Variants in BRMS1 observed in about 807,000 individuals in gnomAD.
The protein encoded by BRMS1 is breast cancer metastasis-suppressor 1.
BRMS1 carries 26 observed loss-of-function variants against 40.4 expected under a neutral mutation model. That is an observed-to-expected ratio of 0.64 (90% CI 0.47 to 0.89). The LOEUF (loss-of-function observed/expected upper bound fraction) is 0.89. Ranked by LOEUF, BRMS1 falls within the 40% of genes least tolerant of loss-of-function variation. The pLI, the probability that BRMS1 is intolerant of heterozygous loss-of-function variation, is 0.00. For missense variants in BRMS1, 289 were observed against 309.4 expected (o/e 0.93, Z 0.49); for synonymous variants, 103 against 116.0 (o/e 0.89, Z 0.72).
intron 7 of BRMS1, among the ~76,000 whole-genome samples, chr11:66,339,248 T>A (rs914933987): frequency 2.0e-5 from 3 of 152,170 alleles, no homozygotes; most frequent in Admixed American, 6.5e-5. Context: ...CAGCACCAGG[T>A]TGCCATAATG....
rs753669865 is a variant in BRMS1, at chr11:66,341,594, G to A, written c.169C>T (p.Arg57Cys). The A allele has an allele frequency of 1.9e-6, 3 of 1,613,960 alleles. No individual in the cohort carries two copies. The highest frequency in any genetic ancestry group is 2.2e-5 in the East Asian group (1 of 44,888). ...EMDDEDYERR[R>C]SECVSEMLDL... The stretch of plus-strand genomic sequence containing the variant: ...AGCATCTCACTGACACACTCGCTGC[G>A]GCGTCGCTCATAGTCCTCATCATCC... Residue 57 changes from arginine to cysteine, a missense_variant, in exon 3 of 10, where the codon CGC becomes TGC. By Grantham distance (180) the Arg-to-Cys change is radical. Transcript: ENST00000359957. This position sits in a 1 kb window ranked among gnomAD's most constrained non-coding sequence, Gnocchi z 4.9.
rs541078088 is a variant in BRMS1 at position 66,341,517 on chromosome 11, G to A, written c.230+16C>T. 1.2e-6 allele frequency: 2 copies of A among 1,613,066 alleles called. No homozygotes were observed. The highest frequency in any genetic ancestry group is 2.2e-5 in the East Asian group (1 of 44,876). On this transcript the variant is annotated intron_variant, in intron 3 of 9. Transcript: ENST00000359957. The surrounding 1 kb of genome is among the most constrained non-coding windows in gnomAD (Gnocchi z 4.9). The stretch of plus-strand genomic sequence containing the variant: ...CAGATCCTCGCAGACCCAGCCCAAG[G>A]TGTCCCCACGCTCACTTCTCCTTTA...
At position 66,341,395 on chromosome 11, in the gene BRMS1, T is replaced by C; in HGVS notation, c.231-62A>G. ...CACCCATCGCTCTTGGGCAAACACA[T>C]ACCCAGCACCCATTCCACAGCAAGC... On this transcript the variant is annotated intron_variant, in intron 3 of 9. Transcript: ENST00000359957. The surrounding 1 kb of genome is among the most constrained non-coding windows in gnomAD (Gnocchi z 4.9). 7 of 1,602,940 alleles carry C rather than the reference T, an allele frequency of 4.4e-6. No homozygotes were observed. Among genetic ancestry groups the C allele is most frequent in the South Asian group, 1.1e-5 (1 of 90,578 alleles).
At chr11:66,338,053 T>TC (rs1294630284) in intron 9 of BRMS1, among the ~76,000 whole-genome samples, 164 bp from the exon 10 acceptor site, 1 of 152,090 alleles carries the variant, frequency 6.6e-6, no homozygotes, top group African/African-American at 2.4e-5. Context: ...ACCCAGAGCT[T>TC]CCCCAGCCCC....
intron 8 of BRMS1, 165 bp downstream of exon 8, chr11:66,338,556 C>A (rs1467400193): frequency 3.2e-6 from 5 of 1,542,076 alleles, no homozygotes; most frequent in Non-Finnish European, 4.4e-6. Flanking sequence ...CCCAGGGCCG[C>A]CTTGAGCAAG....
At chr11:66,343,605 G>A (rs1855134858) in intron 1 of BRMS1, among the ~76,000 whole-genome samples, 1 of 152,146 alleles carries the variant, frequency 6.6e-6, no homozygotes, top group Admixed American at 6.6e-5. Flanking sequence ...ACTTATTGAG[G>A]GAACATTCCA....
rs751394775 is a variant in BRMS1, at chr11:66,341,304, C to T, written c.260G>A (p.Arg87Gln). Residue 87 changes from arginine (R) to glutamine (Q), a missense_variant, in exon 4 of 10, where the codon CGG becomes CAG. Arg to Gln is a conservative substitution (Grantham distance 43). Coordinates refer to ENST00000359957, the MANE Select transcript of BRMS1 (RefSeq NM_015399.4). The surrounding 1 kb of genome is among the most constrained non-coding windows in gnomAD (Gnocchi z 4.9). ...KLFRERLSQL[R>Q]LRLEEVGAER... ...AGCCCCCACTTCCTCCAGCCGCAAC[C>T]GCAGCTGACTCAGTCGTTCCCTGAA... 23 of 1,613,442 alleles carry T rather than the reference C, an allele frequency of 1.4e-5. No individual in the cohort carries two copies. Among genetic ancestry groups the T allele is most frequent in the Admixed American group, 3.3e-5 (2 of 59,994 alleles).
At chr11:66,339,874 C>T (rs1855026224) in intron 7 of BRMS1, 1 of 436,120 alleles carries the variant, frequency 2.3e-6, no homozygotes, top group African/African-American at 2.0e-5. Flanking sequence ...AGTGCTGGGA[C>T]TGTAGATGTG....
In BRMS1 at chr11:66,337,669, C is replaced by T. The variant is rs1427572354; in HGVS notation, c.*213G>A. 2 of 1,562,312 alleles carry T rather than the reference C, an allele frequency of 1.3e-6. No homozygotes were observed. Among genetic ancestry groups the T allele is most frequent in the South Asian group, 1.2e-5 (1 of 86,044 alleles). Reference sequence around the variant, plus strand: ...AGACAGCAGCCTTGCCTGGTCAGGTCAGCTCCACGGCCACAGCTGTGCAGG... The same window carrying T: ...AGACAGCAGCCTTGCCTGGTCAGGTTAGCTCCACGGCCACAGCTGTGCAGG... On this transcript the variant is annotated 3_prime_UTR_variant, in exon 10 of 10. Transcript: ENST00000359957.
chr11:66,342,611 A>G (rs1275770018), intron 1 of BRMS1, among the ~76,000 whole-genome samples: 1 of 152,212 alleles, frequency 6.6e-6, no homozygotes, highest in Non-Finnish European at 1.5e-5. Context: ...TCTGTTGACA[A>G]GCTGGAGTGC....
chr11:66,337,617 G>T lies in BRMS1; in HGVS notation c.*265C>A. ...CCCCAAGAGATGGATCTTCAGGAGT[G>T]GGAGGTGGCAGGCGGCTCAGGGATG... On this transcript the variant is annotated 3_prime_UTR_variant, in exon 10 of 10. Coordinates refer to ENST00000359957, the MANE Select transcript of BRMS1 (RefSeq NM_015399.4). The T allele has an allele frequency of 2.2e-6, 3 of 1,381,140 alleles. No individual in the cohort carries two copies. Among genetic ancestry groups the T allele is most frequent in the South Asian group, 1.3e-5 (1 of 76,076 alleles). The allele number at this position is 1,381,140 out of a possible 1,614,324, so 85.6% of individuals were successfully genotyped here. A position where few individuals can be genotyped will look rare whatever the true frequency, so the allele number is the denominator to read the frequency against.
intron 6 of BRMS1, 89 bp from the exon 7 acceptor site, chr11:66,340,302 G>T: frequency 8.5e-7 from 1 of 1,171,646 alleles, no homozygotes; most frequent in Non-Finnish European, 1.2e-6. Flanking sequence ...GGGCCGGCCT[G>T]GCCTCATCTC....
intron 1 of BRMS1, 177 bp downstream of exon 1, chr11:66,344,795 G>T (rs1281930144): frequency 6.6e-6 from 1 of 152,324 alleles, no homozygotes; most frequent in Non-Finnish European, 1.5e-5. Context: ...GCGCCCAGGG[G>T]GCCTCCCGCT....
At chr11:66,344,346 G>A (rs986956802) in intron 1 of BRMS1, among the ~76,000 whole-genome samples, 2 of 152,198 alleles carry the variant, frequency 1.3e-5, no homozygotes, top group African/African-American at 4.8e-5. Flanking sequence ...TGGCCTAGGT[G>A]AGTGTTTAGT....
chr11:66,344,685 CA>C (rs1362410285), intron 1 of BRMS1: 1 of 152,316 alleles, frequency 6.6e-6, no homozygotes, highest in Non-Finnish European at 1.5e-5. Flanking sequence ...GCGCTGTACA[CA>C]GGCAATTTAT....
rs765537089 is a variant in BRMS1, at chr11:66,341,556, C to T, written c.207G>A (p.Lys69=). Residue 69 remains lysine (K), a synonymous_variant, in exon 3 of 10, where the codon AAG becomes AAA. Coordinates refer to ENST00000359957, the MANE Select transcript of BRMS1 (RefSeq NM_015399.4). The surrounding 1 kb of genome is among the most constrained non-coding windows in gnomAD (Gnocchi z 4.9). ...ACTTCTCCTTTAGCTCCGAGAACTG[C>T]TTCTCTAGGTCCAGCATCTCACTGA... ...ECVSEMLDLE[K]QFSELKEKLF... 5 of 1,614,154 alleles carry T rather than the reference C, an allele frequency of 3.1e-6. No individual in the cohort carries two copies. In the South Asian group the frequency reaches 5.5e-5, roughly 18 times the overall value.
rs908136889 is a variant in BRMS1, at chr11:66,340,789, G to A, written c.520C>T (p.Leu174=). The change falls in exon 6 of 10, where the codon CTG becomes TTG. Residue 174 remains leucine, a synonymous_variant. Coordinates refer to ENST00000359957, the MANE Select transcript of BRMS1 (RefSeq NM_015399.4). ...TCGCGCTTACCAGAGCTGAGGTCCA[G>A]GCTCTGGCGGTCCTCCTCCAGCCTC... ...IQRLEEDRQS[L]DLSSEWWDDK... The A allele has an allele frequency of 1.2e-6, 2 of 1,612,344 alleles. No individual in the cohort carries two copies. Among genetic ancestry groups the A allele is most frequent in the Non-Finnish European group, 1.7e-6 (2 of 1,179,870 alleles).
At chr11:66,342,827 T>C (rs1353909113) in intron 1 of BRMS1, among the ~76,000 whole-genome samples, 1 of 152,246 alleles carries the variant, frequency 6.6e-6, no homozygotes, top group Non-Finnish European at 1.5e-5. Context: ...TGGCTAGTGC[T>C]TGCACTTCCA....
At position 66,341,421 on chromosome 11, in the gene BRMS1, C is replaced by T. The variant is rs1855071149; in HGVS notation, c.231-88G>A. 2 of 1,603,438 alleles carry T rather than the reference C, an allele frequency of 1.2e-6. No individual in the cohort carries two copies. The highest frequency in any genetic ancestry group is 8.5e-7 in the Non-Finnish European group (1 of 1,172,276). On this transcript the variant is annotated intron_variant, in intron 3 of 9. Transcript: ENST00000359957. The surrounding 1 kb of genome is among the most constrained non-coding windows in gnomAD (Gnocchi z 4.9). ...ACCCAGCACCCATTCCACAGCAAGC[C>T]CGGTGTTAGGCGCGCACTTCCTGGG...
Sources: gnomAD v4.1 joint callset for allele counts (sites outside exome capture counted in the v4.1 genomes callset) on GRCh38, gnomAD v4.1.1 for gene constraint, Gnocchi (gnomAD v3.1) non-coding constraint, MANE v1.5 for transcripts, NCBI Gene and HGNC (gene_info 2026-07-23, HGNC 2026-07-21) for gene names.